The following MIPOL1 variants were observed in gnomAD, a reference collection of about 807,000 sequenced individuals.
MIPOL1 encodes the protein mirror-image polydactyly gene 1 protein.
MIPOL1 carries 57 observed loss-of-function variants against 60.9 expected under a neutral mutation model. The ratio of observed to expected loss-of-function variants is 0.94; its 90% CI spans 0.76 to 1.17. The LOEUF (loss-of-function observed/expected upper bound fraction) is 1.17, where lower values mean the gene tolerates loss of function less well. MIPOL1 is among the 50% of genes most tolerant of loss of function. The pLI, the probability that MIPOL1 is intolerant of heterozygous loss-of-function variation, is 0.00. For synonymous variants in MIPOL1, 179 were observed against 168.8 expected (o/e 1.06, Z -0.47); for missense variants, 551 against 511.6 (o/e 1.08, Z -0.74).
chr14:37,285,604 T>G (rs1180436393), intron 7 of MIPOL1, among the ~76,000 whole-genome samples, 157 bp downstream of exon 7: 1 of 151,846 alleles, frequency 6.6e-6, no homozygotes, highest in East Asian at 1.9e-4. Flanking sequence ...TTCTTTTTTT[T>G]TTTTTGAGAC....
chr14:37,280,804 G>A lies in MIPOL1; in HGVS notation c.494-4514G>A, dbSNP rs2084043551. Among the ~76,000 whole-genome samples, 2 of 152,014 alleles carry A rather than the reference G, an allele frequency of 1.3e-5. 1 individual carries two copies. Among genetic ancestry groups the A allele is most frequent in the African/African-American group, 4.8e-5 (2 of 41,398 alleles). On this transcript the variant is annotated intron_variant, in intron 6 of 12. Transcript: ENST00000684589. ...CTCCCAAATAGCTGGGATTACAGAC[G>A]CATGCCACCAGGACTGGCTAATTTT...
intron 11 of MIPOL1, among the ~76,000 whole-genome samples, chr14:37,457,533 A>G (rs2094490840): frequency 6.6e-6 from 1 of 152,136 alleles, no homozygotes; most frequent in Admixed American, 6.5e-5. Flanking sequence ...TTACTCTACA[A>G]GTTGGTACTT....
At chr14:37,415,377 C>T (rs1166895896) in intron 10 of MIPOL1, among the ~76,000 whole-genome samples, 1 of 151,992 alleles carries the variant, frequency 6.6e-6, no homozygotes, top group East Asian at 1.9e-4. Context: ...AATCCCAGCA[C>T]TTTGGGAGGC....
chr14:37,325,932 T>C (rs1222268445), intron 9 of MIPOL1, among the ~76,000 whole-genome samples: 1 of 152,206 alleles, frequency 6.6e-6, no homozygotes, highest in East Asian at 1.9e-4. Flanking sequence ...GGTATCCATG[T>C]TATGTCCTCC....
intron 9 of MIPOL1, among the ~76,000 whole-genome samples, chr14:37,349,545 C>T (rs1209092215): frequency 6.6e-6 from 1 of 152,142 alleles, no homozygotes; most frequent in African/African-American, 2.4e-5. Flanking sequence ...GGGGCCTTTG[C>T]ACTTACTGTT....
chr14:37,480,423 A>G (rs986229329), intron 11 of MIPOL1, among the ~76,000 whole-genome samples: 3 of 152,194 alleles, frequency 2.0e-5, no homozygotes, highest in African/African-American at 7.2e-5. Flanking sequence ...TTGATACATC[A>G]CATTAACAGA....
At position 37,547,136 on chromosome 14, in the gene MIPOL1, C is replaced by A. The variant is rs566231877; in HGVS notation, c.*165C>A. The A allele has an allele frequency of 3.4e-6, 2 of 590,294 alleles. No homozygotes were observed. The highest frequency in any genetic ancestry group is 3.8e-5 in the African/African-American group (2 of 52,920). The allele number at this position is 590,294 out of a possible 1,614,324, so 36.6% of individuals were successfully genotyped here. On this transcript the variant is annotated 3_prime_UTR_variant, in exon 13 of 13. Coordinates refer to ENST00000684589, the MANE Select transcript of MIPOL1 (RefSeq NM_001388067.1). ...TAAAATCAAATCACAAATGTTTAAC[C>A]ACTTTGCTGCTGACTTGAGTTATTT...
intron 6 of MIPOL1, among the ~76,000 whole-genome samples, chr14:37,279,546 T>G (rs567917793): frequency 2.0e-5 from 3 of 152,186 alleles, no homozygotes; most frequent in African/African-American, 7.2e-5. Flanking sequence ...CCAACAAATT[T>G]CACATCTAAC....
rs1413618517 is a variant in MIPOL1, at chr14:37,240,313, T to C, written c.-198-6790T>C. The C allele has an allele frequency of 2.0e-5, 3 of 152,220 alleles. No homozygotes were observed. In the East Asian group the frequency reaches 5.8e-4, roughly 29 times the overall value. 9.4% of individuals were successfully genotyped at this position (152,220 alleles called of 1,614,324 possible). Reference sequence around the variant, plus strand: ...ATGATGAATTAAAGACCTAAATGATTATTTTTAACTTTATTTTTGAAAGAC... The same window carrying C: ...ATGATGAATTAAAGACCTAAATGATCATTTTTAACTTTATTTTTGAAAGAC... On this transcript the variant is annotated intron_variant, in intron 1 of 12. Coordinates refer to ENST00000684589, the MANE Select transcript of MIPOL1 (RefSeq NM_001388067.1).
intron 1 of MIPOL1, among the ~76,000 whole-genome samples, chr14:37,226,179 GT>G (rs1193809781): frequency 1.4e-4 from 21 of 152,092 alleles, no homozygotes; most frequent in Admixed American, 2.6e-4. Flanking sequence ...CCTGCAAACT[GT>G]TCCAACCCCT....
chr14:37,265,019 T>A (rs1332713953), intron 3 of MIPOL1, among the ~76,000 whole-genome samples: 2 of 152,188 alleles, frequency 1.3e-5, no homozygotes, highest in Non-Finnish European at 2.9e-5. Context: ...GAGCCATACC[T>A]TGGACTTTGT....
Position 37,414,823 on chromosome 14 carries a change from AG to A in MIPOL1, c.937-8030del, listed in dbSNP as rs147637982. On this transcript the variant is annotated intron_variant, in intron 10 of 12. Transcript: ENST00000684589. ...AAGCCAAGTACTAGGAAACAAGCAC[AG>A]GAATGGAACTCAGGCTAGTTGACTG... Among the ~76,000 whole-genome samples, 708 of 152,278 alleles carry A rather than the reference AG, an allele frequency of 4.6e-3. 4 individuals are homozygous for A. Among genetic ancestry groups the A allele is most frequent in the African/African-American group, 0.015 (628 of 41,560 alleles).
chr14:37,296,655 C>T (rs1834712556), intron 7 of MIPOL1, among the ~76,000 whole-genome samples: 1 of 152,048 alleles, frequency 6.6e-6, no homozygotes, highest in African/African-American at 2.4e-5. Context: ...TACAAACTAC[C>T]ATCAGAAAAT....
chr14:37,429,537 AT>A (rs910152158), intron 11 of MIPOL1, among the ~76,000 whole-genome samples: 4 of 152,052 alleles, frequency 2.6e-5, no homozygotes, highest in Non-Finnish European at 5.9e-5. Context: ...TTGAACTAGT[AT>A]TTTTTGATAA....
chr14:37,429,059 T>A (rs968699300), intron 11 of MIPOL1, among the ~76,000 whole-genome samples: 22 of 152,228 alleles, frequency 1.4e-4, no homozygotes, highest in Non-Finnish European at 2.5e-4. Flanking sequence ...TAAATCCATT[T>A]GCAACACTTT....
At position 37,308,095 on chromosome 14, in the gene MIPOL1, C is replaced by T. The variant is rs749497843; in HGVS notation, c.657+6C>T. On this transcript the variant is annotated splice_donor_region_variant and intron_variant, in intron 8 of 12. Transcript: ENST00000684589. ...ACCCTGAAGAAAATGACATGGTAAG[C>T]CATTCTCTGAGGAGATTTCTTGATG... 6.2e-7 allele frequency: 1 copy of T among 1,608,674 alleles called. No homozygotes were observed. Among genetic ancestry groups the T allele is most frequent in the Non-Finnish European group, 8.5e-7 (1 of 1,176,908 alleles).
chr14:37,459,838 G>T (rs1169714824), intron 11 of MIPOL1, among the ~76,000 whole-genome samples: 1 of 152,156 alleles, frequency 6.6e-6, no homozygotes, highest in Non-Finnish European at 1.5e-5. Context: ...ACTTTAGGAG[G>T]CCGGGGTGGG....
chr14:37,316,848 G>A (rs1252995346), intron 9 of MIPOL1, among the ~76,000 whole-genome samples: 1 of 151,956 alleles, frequency 6.6e-6, no homozygotes, highest in African/African-American at 2.4e-5. Flanking sequence ...CGCAGTGGCA[G>A]GCACCTATAA....
intron 10 of MIPOL1, among the ~76,000 whole-genome samples, chr14:37,411,368 C>T (rs1170716546): frequency 6.6e-6 from 1 of 152,060 alleles, no homozygotes; most frequent in Non-Finnish European, 1.5e-5. Context: ...AGAACCTGTT[C>T]TAGAAAAGCG....
Sources: gnomAD v4.1 joint callset for allele counts (sites outside exome capture counted in the v4.1 genomes callset) on GRCh38, gnomAD v4.1.1 for gene constraint, MANE v1.5 for transcripts, NCBI Gene and HGNC (gene_info 2026-07-23, HGNC 2026-07-21) for gene names.